SLC49A4: variants seen among roughly 807,000 people sequenced by gnomAD.
SLC49A4 encodes disrupted in renal cancer protein 2.
Under a neutral mutation model 50.6 loss-of-function variants are expected in SLC49A4, and 36 were observed. The ratio of observed to expected loss-of-function variants is 0.71; its 90% CI spans 0.55 to 0.94. The LOEUF (loss-of-function observed/expected upper bound fraction) is 0.94, where lower values mean the gene tolerates loss of function less well. SLC49A4 is among the 40% of genes least tolerant of loss of function. SLC49A4 has a pLI of 0.00. For missense variants in SLC49A4, 503 were observed against 605.7 expected, an observed-to-expected ratio of 0.83 and a Z score of 1.78; for synonymous variants, 248 against 241.2, an observed-to-expected ratio of 1.03 and a Z score of -0.26.
At chr3:122,834,865 A>T (rs1936656874) in intron 4 of SLC49A4, among the ~76,000 whole-genome samples, 1 of 152,168 alleles carries the variant, frequency 6.6e-6, no homozygotes, top group African/African-American at 2.4e-5. Context: ...ATGAAAATGG[A>T]GACGTTACAG....
At position 122,860,101 on chromosome 3, in the gene SLC49A4, T is replaced by C; in HGVS notation, c.1037T>C (p.Leu346Pro). 1 of 1,612,110 alleles carries C rather than the reference T, an allele frequency of 6.2e-7. No individual in the cohort carries two copies. The highest frequency in any genetic ancestry group is 1.3e-5 in the African/African-American group (1 of 74,950). Reference sequence around the variant, plus strand: ...TTTGCAGATTTTATCAGGGGTATGCTGAAACTAATTCTTCTCCTCCTGTTT... The same window carrying C: ...TTTGCAGATTTTATCAGGGGTATGCCGAAACTAATTCTTCTCCTCCTGTTT... ...ARFADFIRGM[L>P]KLILLLLFSG... Residue 346 changes from leucine to proline, a missense_variant, in exon 7 of 9, where the codon CTG (leucine) becomes CCG (proline). Physicochemically the swap from Leu to Pro is moderately conservative, Grantham distance 98 (BLOSUM62 -3). Coordinates refer to ENST00000261038, the MANE Select transcript of SLC49A4 (RefSeq NM_032839.3).
At chr3:122,848,023 G>A (rs1481537662) in intron 5 of SLC49A4, among the ~76,000 whole-genome samples, 1 of 152,188 alleles carries the variant, frequency 6.6e-6, no homozygotes, top group Non-Finnish European at 1.5e-5. Flanking sequence ...TCAAGTGCGG[G>A]ATAGCCACAT....
At chr3:122,827,090 T>G (rs184131593) in intron 3 of SLC49A4, 25 bp downstream of exon 3, 1 of 1,588,828 alleles carries the variant, frequency 6.3e-7, no homozygotes, top group East Asian at 2.3e-5. Flanking sequence ...ATTTTCTTCT[T>G]GTTATACTTT....
intron 7 of SLC49A4, among the ~76,000 whole-genome samples, chr3:122,863,503 A>G (rs1937081425): frequency 6.6e-6 from 1 of 152,226 alleles, no homozygotes; most frequent in South Asian, 2.1e-4. Flanking sequence ...TAAATGGAAC[A>G]CGAGAATTTG....
chr3:122,879,294 G>C lies in SLC49A4; in HGVS notation c.1353G>C (p.Gly451=), dbSNP rs563472056. 1 of 1,614,022 alleles carries C rather than the reference G, an allele frequency of 6.2e-7. No individual in the cohort carries two copies. Among genetic ancestry groups the C allele is most frequent in the East Asian group, 2.2e-5 (1 of 44,872 alleles). Residue 451 remains glycine (G), a synonymous_variant, in exon 9 of 9, where the codon GGG becomes GGC. Coordinates refer to ENST00000261038, the MANE Select transcript of SLC49A4 (RefSeq NM_032839.3). ...CTTGGTTCAACTGGTGCCTTCCCGGGTCGTGTTTGCTCAGTCTCCTCCTCA... is the reference window on the plus strand; with the variant it reads ...CTTGGTTCAACTGGTGCCTTCCCGGCTCGTGTTTGCTCAGTCTCCTCCTCA... ...ELSWFNWCLP[G]SCLLSLLLIL...
At chr3:122,848,696 G>A (rs1936888264) in intron 5 of SLC49A4, among the ~76,000 whole-genome samples, 1 of 137,200 alleles carries the variant, frequency 7.3e-6, no homozygotes, top group Non-Finnish European at 1.7e-5. Flanking sequence ...AAATTGATAT[G>A]TAATTGCTGT....
intron 5 of SLC49A4, among the ~76,000 whole-genome samples, chr3:122,847,678 T>C (rs960648777): frequency 1.3e-5 from 2 of 152,044 alleles, no homozygotes; most frequent in Non-Finnish European, 2.9e-5. Context: ...GCATTAAACA[T>C]GTAAAGAAAC....
intron 7 of SLC49A4, among the ~76,000 whole-genome samples, chr3:122,867,746 C>T (rs1484110571): frequency 6.6e-6 from 1 of 152,212 alleles, no homozygotes. Flanking sequence ...CTTTGGGAGG[C>T]CAAGACAGGC....
chr3:122,801,865 G>T (rs1251556631), intron 1 of SLC49A4, among the ~76,000 whole-genome samples: 1 of 152,206 alleles, frequency 6.6e-6, no homozygotes, highest in Non-Finnish European at 1.5e-5. Flanking sequence ...AGGCAGGTGT[G>T]TGGTGGTCTG....
chr3:122,824,730 CTTTTTTT>C (rs71621693), intron 2 of SLC49A4, among the ~76,000 whole-genome samples: 2 of 82,914 alleles, frequency 2.4e-5, no homozygotes, highest in African/African-American at 4.5e-5. Flanking sequence ...TTTTTTCCTT[CTTTTTTT>C]TTTTTTTTTT....
intron 8 of SLC49A4, among the ~76,000 whole-genome samples, chr3:122,877,237 T>G (rs1937277595): frequency 6.6e-6 from 1 of 152,156 alleles, no homozygotes; most frequent in Non-Finnish European, 1.5e-5. Context: ...CAGGAAAATG[T>G]AGAGGTTCCC....
intron 2 of SLC49A4, among the ~76,000 whole-genome samples, chr3:122,810,621 A>G (rs962910174): frequency 7.2e-5 from 11 of 152,348 alleles, no homozygotes; most frequent in African/African-American, 2.6e-4. Flanking sequence ...CATGTGCAGG[A>G]TGTGCAGGTT....
At chr3:122,827,373 A>G (rs1425032073) in intron 3 of SLC49A4, among the ~76,000 whole-genome samples, 1 of 152,252 alleles carries the variant, frequency 6.6e-6, no homozygotes. Context: ...TAGATATCTT[A>G]TCAGGATATA....
At chr3:122,863,739 C>A (rs1342984977) in intron 7 of SLC49A4, among the ~76,000 whole-genome samples, 1 of 152,144 alleles carries the variant, frequency 6.6e-6, no homozygotes, top group Non-Finnish European at 1.5e-5. Context: ...TCTTTCCTAG[C>A]AAACTTAGAA....
chr3:122,849,518 C>G (rs1316184402), intron 5 of SLC49A4, among the ~76,000 whole-genome samples: 1 of 152,134 alleles, frequency 6.6e-6, no homozygotes, highest in East Asian at 1.9e-4. Context: ...TGATAGCTAT[C>G]CTAACTGGGG....
At chr3:122,876,434 G>A (rs1343872961) in intron 8 of SLC49A4, among the ~76,000 whole-genome samples, 2 of 152,190 alleles carry the variant, frequency 1.3e-5, no homozygotes, top group Admixed American at 1.3e-4. Flanking sequence ...TGGTTACCAG[G>A]AAAACAAAGA....
intron 1 of SLC49A4, among the ~76,000 whole-genome samples, chr3:122,797,666 T>C (rs1936066238): frequency 6.6e-6 from 1 of 152,230 alleles, no homozygotes; most frequent in South Asian, 2.1e-4. Context: ...TGTTGTTTGC[T>C]TTTAAACTAA....
At chr3:122,856,477 A>G in intron 6 of SLC49A4, 103 bp downstream of exon 6, 1 of 1,111,360 alleles carries the variant, frequency 9.0e-7, no homozygotes, top group Non-Finnish European at 1.3e-6. Context: ...GGAAAAGTAA[A>G]ACAAGCAAAG....
Position 122,795,239 on chromosome 3 carries a change from G to T in SLC49A4, c.47G>T (p.Gly16Val). ...GAAGAGGAGAGGCAGCCGCTGCTGG[G>T]GCCCGGGCTCGGGCCTGGGCTGGGG... The part of the protein sequence containing the change: ...SSEEERQPLL[G>V]PGLGPGLGAS... Residue 16 changes from glycine (G) to valine (V), a missense_variant, in exon 1 of 9, where the codon GGG becomes GTG. By Grantham distance (109) the Gly-to-Val change is moderately radical. Coordinates refer to ENST00000261038, the MANE Select transcript of SLC49A4 (RefSeq NM_032839.3). 7.4e-7 allele frequency: 1 copy of T among 1,343,656 alleles called. No individual in the cohort carries two copies. Among genetic ancestry groups the T allele is most frequent in the Non-Finnish European group, 9.5e-7 (1 of 1,056,778 alleles). The allele number at this position is 1,343,656 out of a possible 1,614,324, so 83.2% of individuals were successfully genotyped here.
Sources: gnomAD v4.1 joint callset for allele counts (sites outside exome capture counted in the v4.1 genomes callset) on GRCh38, gnomAD v4.1.1 for gene constraint, MANE v1.5 for transcripts, NCBI Gene and HGNC (gene_info 2026-07-23, HGNC 2026-07-21) for gene names.